Variants in CCDC141 observed in about 807,000 individuals in gnomAD.
CCDC141 encodes the protein coiled-coil domain-containing protein 141.
A neutral mutation model predicts 181.0 loss-of-function variants in CCDC141; 168 were observed. The ratio of observed to expected loss-of-function variants is 0.93; its 90% CI spans 0.82 to 1.05. CCDC141 has a LOEUF of 1.05. Ranked by LOEUF, CCDC141 falls within the 50% of genes least tolerant of loss-of-function variation. The probability of loss-of-function intolerance (pLI) is 0.00; values close to 1 mark genes in which losing one functional copy is unlikely to be tolerated. For synonymous variants in CCDC141, 666 were observed against 642.3 expected, an observed-to-expected ratio of 1.04 and a Z score of -0.56; for missense variants, 1,902 against 1,788.5, an observed-to-expected ratio of 1.06 and a Z score of -1.14.
intron 6 of CCDC141, among the ~76,000 whole-genome samples, chr2:178,923,563 A>G (rs576322425): frequency 6.6e-5 from 10 of 152,222 alleles, no homozygotes; most frequent in Admixed American, 5.9e-4. Flanking sequence ...CGAAGTGTTA[A>G]ACTTCTAACA....
intron 2 of CCDC141, among the ~76,000 whole-genome samples, chr2:179,032,175 T>C (rs988049710): frequency 6.6e-6 from 1 of 152,096 alleles, no homozygotes; most frequent in Non-Finnish European, 1.5e-5. Context: ...CTCACTCTGC[T>C]GTGCACATCC....
chr2:179,011,115 A>G (rs575089195), intron 2 of CCDC141, among the ~76,000 whole-genome samples: 1 of 152,086 alleles, frequency 6.6e-6, no homozygotes, highest in East Asian at 1.9e-4. Context: ...CCGAGATCAC[A>G]CCATTGCACT....
intron 2 of CCDC141, among the ~76,000 whole-genome samples, chr2:179,007,639 A>T (rs1259010497): frequency 6.6e-6 from 1 of 152,058 alleles, no homozygotes; most frequent in Non-Finnish European, 1.5e-5. Flanking sequence ...GAAACAAATA[A>T]TTTTTTTAAA....
intron 2 of CCDC141, among the ~76,000 whole-genome samples, chr2:178,980,316 G>C (rs974782108): frequency 1.3e-5 from 2 of 152,094 alleles, no homozygotes; most frequent in Non-Finnish European, 2.9e-5. Flanking sequence ...TGGGCCTGGT[G>C]GTGGGCGCCT....
intron 19 of CCDC141, among the ~76,000 whole-genome samples, chr2:178,853,872 A>G (rs1685271668): frequency 1.3e-5 from 2 of 152,224 alleles, no homozygotes; most frequent in South Asian, 2.1e-4. Context: ...AAAAATATGA[A>G]AATATATTTG....
chr2:178,987,164 C>A (rs1470075901), intron 2 of CCDC141, among the ~76,000 whole-genome samples: 1 of 124,156 alleles, frequency 8.1e-6, no homozygotes. Flanking sequence ...AATAATGCCG[C>A]ATATCTACAA....
intron 6 of CCDC141, among the ~76,000 whole-genome samples, chr2:178,936,611 G>T (rs1210358575): frequency 1.3e-5 from 2 of 152,046 alleles, no homozygotes; most frequent in Admixed American, 1.3e-4. Flanking sequence ...TTTTAAAATA[G>T]GTTTTTCTAG....
intron 2 of CCDC141, among the ~76,000 whole-genome samples, chr2:179,020,832 G>A (rs1389391307): frequency 6.6e-6 from 1 of 152,170 alleles, no homozygotes; most frequent in Non-Finnish European, 1.5e-5. Context: ...TCAGTTACAT[G>A]CAATGCTTAT....
intron 2 of CCDC141, 128 bp from the exon 3 acceptor site, chr2:178,978,803 G>T: frequency 1.4e-6 from 1 of 697,158 alleles, no homozygotes; most frequent in Non-Finnish European, 2.2e-6. Flanking sequence ...AACACAAACT[G>T]TTATGCAAGA....
chr2:178,991,210 C>T (rs1375663258), intron 2 of CCDC141, among the ~76,000 whole-genome samples: 2 of 152,142 alleles, frequency 1.3e-5, no homozygotes, highest in Admixed American at 6.5e-5. Flanking sequence ...TTTTATAAAA[C>T]CTCTAACTTT....
At position 178,837,678 on chromosome 2, in the gene CCDC141, G is replaced by A. The variant is rs1481776299; in HGVS notation, c.3541C>T (p.Leu1181=). ...CCCTCCTTGTCAGTGGACACCTTCA[G>A]GTCTTGTGGTAGTCGCTCTTCCCCT... ...GTGEERLPQD[L]KVSTDKEGGV... The change falls in exon 23 of 24, where the codon CTG becomes TTG. Residue 1181 remains leucine, a synonymous_variant. Transcript: ENST00000443758. The A allele has an allele frequency of 6.2e-7, 1 of 1,614,036 alleles. No homozygotes were observed. The highest frequency in any genetic ancestry group is 8.5e-7 in the Non-Finnish European group (1 of 1,179,926).
intron 4 of CCDC141, among the ~76,000 whole-genome samples, chr2:178,972,726 T>C (rs528944986): frequency 6.6e-6 from 1 of 152,264 alleles, no homozygotes; most frequent in Admixed American, 6.5e-5. Flanking sequence ...AGGAGAGAAG[T>C]CAGGAGAAGG....
intron 8 of CCDC141, among the ~76,000 whole-genome samples, chr2:178,893,052 G>A (rs1291834840): frequency 2.6e-5 from 4 of 152,172 alleles, no homozygotes; most frequent in Non-Finnish European, 5.9e-5. Context: ...CCTGTCTGTA[G>A]TGTGAACATG....
At chr2:178,824,803 A>G (rs1280065095), downstream of CCDC141, among the ~76,000 whole-genome samples, 2 of 152,118 alleles carry the variant, frequency 1.3e-5, no homozygotes, top group African/African-American at 2.4e-5. Flanking sequence ...ATGTATTGAC[A>G]TAGGTTTGAA....
chr2:178,815,077 A>G, the CCDC141 span, among the ~76,000 whole-genome samples: 41,864 of 152,126 alleles, frequency 0.28, 8,459 homozygotes, highest in East Asian at 0.78. Context: ...TTGGCACTTT[A>G]ATCTTCGAAC....
chr2:178,981,103 C>T (rs951604320), intron 2 of CCDC141, among the ~76,000 whole-genome samples: 16 of 151,940 alleles, frequency 1.1e-4, no homozygotes, highest in Non-Finnish European at 2.1e-4. Flanking sequence ...ATATATGAGG[C>T]AAAAATTAAT....
intron 17 of CCDC141, among the ~76,000 whole-genome samples, chr2:178,857,886 G>A (rs1296604084): frequency 3.3e-5 from 5 of 152,144 alleles, no homozygotes; most frequent in Admixed American, 6.5e-5. Flanking sequence ...CCTACAAAAT[G>A]CATGCTTTCT....
intron 6 of CCDC141, among the ~76,000 whole-genome samples, chr2:178,941,451 A>G (rs867952770): frequency 6.6e-6 from 1 of 152,182 alleles, no homozygotes; most frequent in Non-Finnish European, 1.5e-5. Flanking sequence ...TTGTATCTAC[A>G]AGTTATATGT....
At chr2:178,837,872 A>G (rs928134776) in intron 22 of CCDC141, 128 bp from the exon 23 acceptor site, 2 of 1,007,480 alleles carry the variant, frequency 2.0e-6, no homozygotes, top group Non-Finnish European at 2.8e-6. Flanking sequence ...AGGGGGCTGG[A>G]GCAAGAATTA....
Sources: gnomAD v4.1 joint callset for allele counts (sites outside exome capture counted in the v4.1 genomes callset) on GRCh38, gnomAD v4.1.1 for gene constraint, MANE v1.5 for transcripts, NCBI Gene and HGNC (gene_info 2026-07-23, HGNC 2026-07-21) for gene names.